Variants in SUZ12 observed in about 807,000 individuals in gnomAD.
SUZ12 encodes the protein polycomb protein SUZ12.
SUZ12 carries 17 observed loss-of-function variants against 87.3 expected under a neutral mutation model. That is an observed-to-expected ratio of 0.19 (90% CI 0.13 to 0.29). The LOEUF (loss-of-function observed/expected upper bound fraction) is 0.29. SUZ12 is among the 10% of genes least tolerant of loss of function. SUZ12 has a pLI of 1.00. For synonymous variants in SUZ12, 253 were observed against 312.4 expected, an observed-to-expected ratio of 0.81 and a Z score of 2.01; for missense variants, 526 against 912.2, an observed-to-expected ratio of 0.58 and a Z score of 5.45.
intron 3 of SUZ12, 136 bp from the exon 4 acceptor site, chr17:31,947,481 C>G: frequency 8.8e-7 from 1 of 1,140,906 alleles, no homozygotes. Context: ...ATTGTTATGG[C>G]TAATCATCCA....
intron 3 of SUZ12, among the ~76,000 whole-genome samples, chr17:31,944,329 T>C (rs1479911742): frequency 6.6e-6 from 1 of 152,096 alleles, no homozygotes; most frequent in Non-Finnish European, 1.5e-5. Context: ...GGTTTCTCCA[T>C]GTTGGTCAGG....
chr17:31,980,429 C>CTTTTTTTTTTTTTTT lies in SUZ12; in HGVS notation c.918-2547_918-2533dup, dbSNP rs58491591. ...TAAGATATACCAGAATCACCTTCTC[C>CTTTTTTTTTTTTTTT]TTTTTTTTTTTTTTTTTTTTTTTTT... On this transcript the variant is annotated intron_variant, in intron 8 of 15. Transcript: ENST00000322652. Among the ~76,000 whole-genome samples the CTTTTTTTTTTTTTTT allele has an allele frequency of 3.3e-4, 18 of 53,834 alleles. 4 individuals carry two copies. The highest frequency in any genetic ancestry group is 2.7e-3 in the East Asian group (2 of 732). The allele number at this position is 53,834 out of a possible 152,430, so 35.3% of individuals were successfully genotyped here. A position where few individuals can be genotyped will look rare whatever the true frequency, so the allele number is the denominator to read the frequency against.
intron 3 of SUZ12, among the ~76,000 whole-genome samples, chr17:31,945,220 G>C (rs980877515): frequency 2.6e-5 from 4 of 152,108 alleles, no homozygotes; most frequent in African/African-American, 9.7e-5. Flanking sequence ...GGCAGATTTA[G>C]CCCAGTGATT....
intron 12 of SUZ12, chr17:31,994,282 C>T: frequency 2.3e-6 from 1 of 435,184 alleles, no homozygotes; most frequent in Non-Finnish European, 4.0e-6. Context: ...CTCTAATTGA[C>T]TCACAAAATC....
intron 4 of SUZ12, among the ~76,000 whole-genome samples, chr17:31,953,013 T>C (rs780656912): frequency 1.3e-5 from 2 of 152,186 alleles, no homozygotes; most frequent in South Asian, 4.1e-4. Flanking sequence ...CTTGCCCTTA[T>C]TCCTCTTCTA....
At chr17:31,988,093 C>A (rs1372831396) in intron 9 of SUZ12, among the ~76,000 whole-genome samples, 3 of 152,180 alleles carry the variant, frequency 2.0e-5, no homozygotes, top group Non-Finnish European at 4.4e-5. Flanking sequence ...TGTTGCTGAT[C>A]AGTGGTCGCC....
chr17:31,937,296 G>C lies in SUZ12; in HGVS notation c.50G>C (p.Ser17Thr). Residue 17 changes from serine (S) to threonine (T), a missense_variant, in exon 1 of 16, where the codon AGC becomes ACC. Ser to Thr is a moderately conservative substitution (Grantham distance 58). Transcript: ENST00000322652. ...GGGGGGGSGPSAGSGGGGFGG... is the reference protein window; with the variant it reads ...GGGGGGGSGPTAGSGGGGFGG... ...GGGGGAGGGGGCGGCTCGGGGCCCA[G>C]CGCGGGGTCCGGGGGAGGCGGCTTC... 1 of 1,401,158 alleles carries C rather than the reference G, an allele frequency of 7.1e-7. No individual in the cohort carries two copies. 86.8% of individuals were successfully genotyped at this position (1,401,158 alleles called of 1,614,324 possible).
chr17:31,941,987 G>C (rs1445709211), intron 3 of SUZ12, among the ~76,000 whole-genome samples: 2 of 151,938 alleles, frequency 1.3e-5, no homozygotes, highest in Non-Finnish European at 2.9e-5. Context: ...CGAGTAGCTG[G>C]AATTACAGGC....
intron 11 of SUZ12, 144 bp from the exon 12 acceptor site, chr17:31,993,721 C>A: frequency 1.1e-6 from 1 of 871,452 alleles, no homozygotes; most frequent in Non-Finnish European, 1.7e-6. Context: ...GACCTCGCGT[C>A]ACTGGGCATA....
intron 9 of SUZ12, among the ~76,000 whole-genome samples, chr17:31,984,299 AAG>A (rs1216546507): frequency 6.6e-6 from 1 of 152,234 alleles, no homozygotes; most frequent in Non-Finnish European, 1.5e-5. Flanking sequence ...CTATGTGAGA[AAG>A]AGAAACTGTT....
intron 15 of SUZ12, among the ~76,000 whole-genome samples, chr17:31,997,628 T>C (rs1306432852): frequency 2.2e-5 from 3 of 136,736 alleles, no homozygotes; most frequent in Admixed American, 8.1e-5. Context: ...ATTGCACCAC[T>C]GCACTCCAGC....
intron 4 of SUZ12, chr17:31,965,930 G>A (rs1223306176): frequency 7.7e-6 from 3 of 391,096 alleles, no homozygotes; most frequent in Non-Finnish European, 1.4e-5. Context: ...AGTTGTGAGG[G>A]GTTTTTTGTT....
chr17:31,959,710 C>G (rs1191908428), intron 4 of SUZ12, among the ~76,000 whole-genome samples: 4 of 152,198 alleles, frequency 2.6e-5, no homozygotes, highest in Admixed American at 2.6e-4. Flanking sequence ...CTCCTCTTGT[C>G]ATAAAAATTA....
chr17:31,952,426 C>T (rs1020224519), intron 4 of SUZ12, among the ~76,000 whole-genome samples: 2 of 152,050 alleles, frequency 1.3e-5, no homozygotes, highest in African/African-American at 4.8e-5. Context: ...TTCTGGTACT[C>T]CAGTTTTGAA....
At chr17:31,959,534 A>T (rs578178647) in intron 4 of SUZ12, among the ~76,000 whole-genome samples, 5 of 152,338 alleles carry the variant, frequency 3.3e-5, no homozygotes, top group Non-Finnish European at 7.3e-5. Context: ...ATATCATAGG[A>T]TGAAATGTAT....
chr17:31,953,675 T>C (rs1324542882), intron 4 of SUZ12, among the ~76,000 whole-genome samples: 10 of 151,762 alleles, frequency 6.6e-5, no homozygotes, highest in Admixed American at 6.6e-4. Context: ...CCTGAAGTGC[T>C]GAGATTACAG....
intron 5 of SUZ12, among the ~76,000 whole-genome samples, chr17:31,968,478 C>T (rs1908224829): frequency 6.6e-6 from 1 of 152,184 alleles, no homozygotes; most frequent in Admixed American, 6.5e-5. Flanking sequence ...GTGATCCTCT[C>T]ACCTCAGTCT....
rs192059055 is a variant in SUZ12 at position 31,950,146 on chromosome 17, C to T, written c.455+2461C>T. Among the ~76,000 whole-genome samples the T allele has an allele frequency of 1.6e-4, 24 of 151,826 alleles. No homozygotes were observed. The East Asian group carries it at 1.8e-3, about 11-fold the overall frequency. ...GGATTACAGGTGCCCGGCATCACAC[C>T]GAACTAATTTTTTCTTGAACTCCTG... On this transcript the variant is annotated intron_variant, in intron 4 of 15. Transcript: ENST00000322652.
chr17:31,996,700 A>G, intron 14 of SUZ12, 98 bp from the exon 15 acceptor site: 1 of 736,808 alleles, frequency 1.4e-6, no homozygotes, highest in African/African-American at 1.9e-5. Flanking sequence ...CTGTATAAAT[A>G]TGTTGTATTT....
Sources: allele counts gnomAD v4.1 joint callset (sites outside exome capture counted in the v4.1 genomes callset), GRCh38; gene constraint gnomAD v4.1.1; transcripts MANE v1.5; gene names NCBI Gene and HGNC (gene_info 2026-07-23, HGNC 2026-07-21).